Variants in TSPAN12 observed in about 807,000 individuals in gnomAD.
TSPAN12 encodes tetraspanin 12.
Under a neutral mutation model 39.2 loss-of-function variants are expected in TSPAN12, and 19 were observed. That is an observed-to-expected ratio of 0.49 (90% CI 0.34 to 0.71). TSPAN12 has a LOEUF of 0.71. Ranked by LOEUF, TSPAN12 falls within the 30% of genes least tolerant of loss-of-function variation. The pLI is 0.01. For missense variants in TSPAN12, 314 were observed against 359.9 expected (o/e 0.87, Z 1.03); for synonymous variants, 119 against 124.8 (o/e 0.95, Z 0.31).
intron 4 of TSPAN12, among the ~76,000 whole-genome samples, chr7:120,827,758 T>G (rs539296048): frequency 1.3e-5 from 2 of 152,188 alleles, no homozygotes; most frequent in Non-Finnish European, 1.5e-5. Flanking sequence ...CTTGAAAAGT[T>G]TATTCGTAAA....
At chr7:120,837,315 A>ATTT (rs554562744) in intron 4 of TSPAN12, among the ~76,000 whole-genome samples, 2 of 141,066 alleles carry the variant, frequency 1.4e-5, no homozygotes, top group East Asian at 2.1e-4. Flanking sequence ...TCATTTATTT[A>ATTT]TTTTTTTTTT....
At chr7:120,846,526 G>A (rs943596569) in intron 2 of TSPAN12, among the ~76,000 whole-genome samples, 2 of 152,180 alleles carry the variant, frequency 1.3e-5, no homozygotes, top group African/African-American at 4.8e-5. Flanking sequence ...CAAAAAAAGT[G>A]TATATCTTTT....
chr7:120,844,350 A>C (rs1057320253), intron 2 of TSPAN12, among the ~76,000 whole-genome samples: 5 of 152,184 alleles, frequency 3.3e-5, no homozygotes, highest in African/African-American at 1.2e-4. Flanking sequence ...ATGCCTTTCC[A>C]ACAGTCCCCC....
chr7:120,836,157 C>CAGCT (rs1232500974), intron 4 of TSPAN12, among the ~76,000 whole-genome samples: 1 of 152,110 alleles, frequency 6.6e-6, no homozygotes, highest in Non-Finnish European at 1.5e-5. Flanking sequence ...GAGGAATAGG[C>CAGCT]AGCTATTTAG....
At chr7:120,822,257 C>A (rs1342773138) in intron 4 of TSPAN12, among the ~76,000 whole-genome samples, 1 of 151,924 alleles carries the variant, frequency 6.6e-6, no homozygotes, top group Non-Finnish European at 1.5e-5. Context: ...TGTACACAGA[C>A]AAAATAGTAA....
intron 4 of TSPAN12, among the ~76,000 whole-genome samples, chr7:120,834,615 T>C (rs914633859): frequency 5.3e-5 from 8 of 152,172 alleles, no homozygotes; most frequent in Non-Finnish European, 1.0e-4. Context: ...TCAAGAGATA[T>C]GGCAGCTCTC....
intron 4 of TSPAN12, among the ~76,000 whole-genome samples, chr7:120,825,008 T>G (rs1027298098): frequency 2.0e-5 from 3 of 152,188 alleles, no homozygotes; most frequent in Non-Finnish European, 4.4e-5. Context: ...ATACATTATC[T>G]AAAGAAAACA....
At chr7:120,857,644 C>T (rs1794900756) in intron 1 of TSPAN12, among the ~76,000 whole-genome samples, 176 bp downstream of exon 1, 1 of 152,096 alleles carries the variant, frequency 6.6e-6, no homozygotes, top group Non-Finnish European at 1.5e-5. Context: ...AAAGCGAGCG[C>T]GGCCACCGAC....
chr7:120,822,620 C>G (rs1342280093), intron 4 of TSPAN12, among the ~76,000 whole-genome samples: 1 of 152,084 alleles, frequency 6.6e-6, no homozygotes, highest in Admixed American at 6.6e-5. Flanking sequence ...ATCACGGAGT[C>G]CCCAAAATAC....
At chr7:120,824,627 A>G (rs1013927726) in intron 4 of TSPAN12, among the ~76,000 whole-genome samples, 3 of 152,086 alleles carry the variant, frequency 2.0e-5, no homozygotes, top group African/African-American at 7.2e-5. Flanking sequence ...GAAAAAGTAA[A>G]TTTTTTCTTT....
chr7:120,817,632 A>G (rs1034893822), intron 4 of TSPAN12, among the ~76,000 whole-genome samples: 5 of 152,186 alleles, frequency 3.3e-5, no homozygotes, highest in Non-Finnish European at 7.4e-5. Flanking sequence ...AGAGGACTGG[A>G]TCACTGTAGC....
chr7:120,805,503 T>C (rs906670113), intron 7 of TSPAN12, among the ~76,000 whole-genome samples: 3 of 152,164 alleles, frequency 2.0e-5, no homozygotes, highest in Non-Finnish European at 4.4e-5. Context: ...ATAGCCCTAC[T>C]ATATATACAT....
At position 120,857,962 on chromosome 7, in the gene TSPAN12, T is replaced by TCCC. The variant is rs887772227; in HGVS notation, c.-216_-214dup. 1 of 121,590 alleles carries TCCC rather than the reference T, an allele frequency of 8.2e-6. No individual in the cohort carries two copies. Among genetic ancestry groups the TCCC allele is most frequent in the Non-Finnish European group, 1.7e-5 (1 of 59,184 alleles). 7.5% of individuals were successfully genotyped at this position (121,590 alleles called of 1,614,324 possible). ...CTGGAGACGCTTCTTTCTCTTCCTC[T>TCCC]CCCCCCGCCGCCGCCGTCGCCGCCT... is the stretch of plus-strand genomic sequence containing the variant. On this transcript the variant is annotated 5_prime_UTR_variant, in exon 1 of 8. Coordinates refer to ENST00000222747, the MANE Select transcript of TSPAN12 (RefSeq NM_012338.4).
chr7:120,825,965 A>G (rs1032202492), intron 4 of TSPAN12, among the ~76,000 whole-genome samples: 1 of 152,222 alleles, frequency 6.6e-6, no homozygotes, highest in East Asian at 1.9e-4. Flanking sequence ...AATTAGAACT[A>G]TAGACCAATG....
At chr7:120,798,713 T>G (rs1793681869) in intron 7 of TSPAN12, among the ~76,000 whole-genome samples, 1 of 152,202 alleles carries the variant, frequency 6.6e-6, no homozygotes, top group African/African-American at 2.4e-5. Flanking sequence ...AATCCCTGCC[T>G]TCGGTATCCC....
intron 2 of TSPAN12, among the ~76,000 whole-genome samples, chr7:120,848,982 A>G (rs755403078): frequency 1.3e-5 from 2 of 152,190 alleles, no homozygotes; most frequent in African/African-American, 4.8e-5. Context: ...CTCCTTGCTA[A>G]ACATGTTATT....
rs748228842 is a variant in TSPAN12, at chr7:120,810,578, TAAAAAGC to T, written c.361-15_361-9del. 96 of 1,573,582 alleles carry T rather than the reference TAAAAAGC, an allele frequency of 6.1e-5. No individual in the cohort carries two copies. In the African/African-American group the frequency reaches 9.2e-4, roughly 15 times the overall value. ...TGACCATTGTACTGGAACCTGGTGA[TAAAAAGC>T]AAAATATCAACAGCTGTAGCTCACA... On this transcript the variant is annotated splice_polypyrimidine_tract_variant and intron_variant, in intron 5 of 7. Coordinates refer to ENST00000222747, the MANE Select transcript of TSPAN12 (RefSeq NM_012338.4).
At chr7:120,812,045 AT>A (rs1793993848) in intron 5 of TSPAN12, among the ~76,000 whole-genome samples, 1 of 152,186 alleles carries the variant, frequency 6.6e-6, no homozygotes, top group Admixed American at 6.5e-5. Flanking sequence ...CCAAAAACCT[AT>A]TGAAATAAAA....
chr7:120,857,136 T>G (rs1346936259), intron 1 of TSPAN12: 1 of 368,396 alleles, frequency 2.7e-6, no homozygotes, highest in African/African-American at 2.1e-5. Flanking sequence ...TGCATTCTGA[T>G]GAGACGCTCT....
Sources: allele counts gnomAD v4.1 joint callset (sites outside exome capture counted in the v4.1 genomes callset), GRCh38; gene constraint gnomAD v4.1.1; transcripts MANE v1.5; gene names NCBI Gene and HGNC (gene_info 2026-07-23, HGNC 2026-07-21).